NELL1: variants seen among roughly 807,000 people sequenced by gnomAD.
NELL1 encodes protein kinase C-binding protein NELL1.
NELL1 carries 76 observed loss-of-function variants against 107.4 expected under a neutral mutation model. That is an observed-to-expected ratio of 0.71 (90% CI 0.59 to 0.86). The LOEUF is 0.86. Among genes scored for constraint, NELL1 ranks in the 40% least tolerant of loss-of-function variants. The probability of loss-of-function intolerance (pLI) is 0.00; values close to 1 mark genes in which losing one functional copy is unlikely to be tolerated. For synonymous variants in NELL1, 353 were observed against 341.2 expected, an observed-to-expected ratio of 1.03 and a Z score of -0.38; for missense variants, 1,024 against 1,005.5, an observed-to-expected ratio of 1.02 and a Z score of -0.25.
At chr11:21,201,616 A>G (rs1857272166) in intron 13 of NELL1, among the ~76,000 whole-genome samples, 1 of 151,984 alleles carries the variant, frequency 6.6e-6, no homozygotes, top group Non-Finnish European at 1.5e-5. Context: ...AATACCTTTT[A>G]TTTCTTTCTC....
chr11:20,811,930 T>A (rs1196333185), intron 3 of NELL1, among the ~76,000 whole-genome samples: 1 of 152,144 alleles, frequency 6.6e-6, no homozygotes, highest in Non-Finnish European at 1.5e-5. Flanking sequence ...TCTTTATTTC[T>A]TTATTTTGCC....
At chr11:21,008,058 G>A (rs889729812) in intron 12 of NELL1, among the ~76,000 whole-genome samples, 3 of 152,086 alleles carry the variant, frequency 2.0e-5, no homozygotes, top group Admixed American at 1.3e-4. Context: ...GTTGCTTACA[G>A]AAGTGAAGTA....
intron 7 of NELL1, among the ~76,000 whole-genome samples, chr11:20,925,635 T>C (rs557785709): frequency 1.3e-5 from 2 of 152,130 alleles, no homozygotes; most frequent in African/African-American, 2.4e-5. Context: ...TCATGCATAT[T>C]AGAAGGAGTG....
At position 21,349,320 on chromosome 11, in the gene NELL1, A is replaced by G. The variant is rs77049511; in HGVS notation, c.1550-21533A>G. Among the ~76,000 whole-genome samples, 1,411 of 152,262 alleles carry G rather than the reference A, an allele frequency of 9.3e-3. 12 individuals are homozygous for G. The highest frequency in any genetic ancestry group is 0.014 in the Non-Finnish European group (940 of 67,994). On this transcript the variant is annotated intron_variant, in intron 14 of 19. Transcript: ENST00000357134. The stretch of plus-strand genomic sequence containing the variant: ...ACAATAGTTAGCCTATCCATGGTCT[A>G]TATAGTTGCAGGGAAATGTAATTCA...
chr11:21,269,448 T>G (rs1406634799), intron 14 of NELL1, among the ~76,000 whole-genome samples: 1 of 150,752 alleles, frequency 6.6e-6, no homozygotes, highest in African/African-American at 2.4e-5. Flanking sequence ...TTGAAGAAAT[T>G]CAGGAGAAAA....
At chr11:21,288,848 A>C (rs1849188465) in intron 14 of NELL1, among the ~76,000 whole-genome samples, 1 of 152,238 alleles carries the variant, frequency 6.6e-6, no homozygotes, top group South Asian at 2.1e-4. Flanking sequence ...AGTTGCTACT[A>C]ATGATTGTCA....
intron 12 of NELL1, among the ~76,000 whole-genome samples, chr11:21,002,035 T>C (rs1304657779): frequency 2.0e-5 from 3 of 152,202 alleles, no homozygotes; most frequent in Admixed American, 2.0e-4. Context: ...CTGATGCCAC[T>C]GTAGTGGATT....
chr11:21,159,411 A>G (rs1856313505), intron 13 of NELL1, among the ~76,000 whole-genome samples: 1 of 152,226 alleles, frequency 6.6e-6, no homozygotes, highest in Admixed American at 6.5e-5. Context: ...AAATAAATGC[A>G]CATCTAAGAT....
chr11:21,432,140 G>T (rs1277371162), intron 15 of NELL1, among the ~76,000 whole-genome samples: 7 of 151,970 alleles, frequency 4.6e-5, no homozygotes, highest in Non-Finnish European at 1.0e-4. Context: ...TTTAGAGTAA[G>T]GACCATCCAG....
intron 15 of NELL1, among the ~76,000 whole-genome samples, chr11:21,454,408 T>G (rs1389536519): frequency 2.0e-5 from 3 of 152,132 alleles, no homozygotes; most frequent in Non-Finnish European, 4.4e-5. Context: ...TGTGGCTTTA[T>G]AGCAGCATGA....
At chr11:21,059,954 T>C (rs1428794450) in intron 12 of NELL1, among the ~76,000 whole-genome samples, 4 of 152,190 alleles carry the variant, frequency 2.6e-5, no homozygotes, top group African/African-American at 4.8e-5. Context: ...AACAAGAAAC[T>C]GGTCAAATTT....
intron 15 of NELL1, among the ~76,000 whole-genome samples, chr11:21,491,218 A>G (rs1854798878): frequency 6.6e-6 from 1 of 152,032 alleles, no homozygotes; most frequent in Non-Finnish European, 1.5e-5. Flanking sequence ...CCCATTTGTC[A>G]ATTTTGGCTT....
chr11:21,573,498 A>G (rs965751953), intron 19 of NELL1, 89 bp downstream of exon 19: 9 of 1,090,320 alleles, frequency 8.3e-6, no homozygotes, highest in African/African-American at 1.6e-5. Flanking sequence ...CTGAATACAC[A>G]GGTTCAATGG....
chr11:20,844,123 A>G lies in NELL1; in HGVS notation c.336-3460A>G, dbSNP rs143800835. 5.2e-4 allele frequency among the ~76,000 whole-genome samples: 79 copies of G among 152,280 alleles called. 3 individuals are homozygous for G. In the East Asian group the frequency reaches 0.012, roughly 24 times the overall value. ...ATAGTGTCACTGTACTTTGCATTAG[A>G]CCACATCTGTACAAGTGCCTTTATT... On this transcript the variant is annotated intron_variant, in intron 3 of 19. Coordinates refer to ENST00000357134, the MANE Select transcript of NELL1 (RefSeq NM_006157.5).
chr11:20,996,557 C>T (rs553982083), intron 12 of NELL1, among the ~76,000 whole-genome samples: 1 of 152,260 alleles, frequency 6.6e-6, no homozygotes, highest in South Asian at 2.1e-4. Context: ...GTGACTCTTC[C>T]CTGGTGACCT....
intron 12 of NELL1, among the ~76,000 whole-genome samples, chr11:21,058,611 C>T (rs2134358771): frequency 6.6e-6 from 1 of 152,202 alleles, no homozygotes; most frequent in South Asian, 2.1e-4. Flanking sequence ...TGTTTATCCC[C>T]TACTAGTAAA....
intron 4 of NELL1, among the ~76,000 whole-genome samples, chr11:20,874,362 C>T (rs1590369492): frequency 6.6e-6 from 1 of 152,184 alleles, no homozygotes; most frequent in Middle Eastern, 3.2e-3. Flanking sequence ...GCCACCTCGC[C>T]CGGCCTAGAC....
At chr11:20,814,333 T>G (rs1590320022) in intron 3 of NELL1, among the ~76,000 whole-genome samples, 1 of 152,176 alleles carries the variant, frequency 6.6e-6, no homozygotes, top group East Asian at 1.9e-4. Flanking sequence ...GGTCTATATG[T>G]GCAGGTGTGC....
chr11:21,368,182 C>A (rs1851273939), intron 14 of NELL1, among the ~76,000 whole-genome samples: 1 of 151,894 alleles, frequency 6.6e-6, no homozygotes, highest in Admixed American at 6.6e-5. Context: ...TAAGGTTCAA[C>A]TAGGGAATGA....
Sources: gnomAD v4.1 joint callset for allele counts (sites outside exome capture counted in the v4.1 genomes callset) on GRCh38, gnomAD v4.1.1 for gene constraint, MANE v1.5 for transcripts, NCBI Gene and HGNC (gene_info 2026-07-23, HGNC 2026-07-21) for gene names.